CCSER1: variants seen among roughly 807,000 people sequenced by gnomAD.
The protein encoded by CCSER1 is serine-rich coiled-coil domain-containing protein 1.
CCSER1 carries 41 observed loss-of-function variants against 82.0 expected under a neutral mutation model. The ratio of observed to expected loss-of-function variants is 0.50; its 90% confidence interval spans 0.39 to 0.65. The LOEUF is 0.65. Ranked by LOEUF, CCSER1 falls within the 30% of genes least tolerant of loss-of-function variation. The probability of loss-of-function intolerance (pLI) is 0.00; values close to 1 mark genes in which losing one functional copy is unlikely to be tolerated. For synonymous variants in CCSER1, 414 were observed against 383.9 expected (o/e 1.08, Z -0.92); for missense variants, 1,119 against 1,064.2 (o/e 1.05, Z -0.72).
chr4:91,366,715 A>T (rs1451903766), intron 10 of CCSER1, among the ~76,000 whole-genome samples: 1 of 152,164 alleles, frequency 6.6e-6, no homozygotes, highest in African/African-American at 2.4e-5. Context: ...ATCTTATTGA[A>T]CTTGCATTTG....
At chr4:91,194,835 T>G (rs1735279484) in intron 10 of CCSER1, among the ~76,000 whole-genome samples, 1 of 152,224 alleles carries the variant, frequency 6.6e-6, no homozygotes, top group Non-Finnish European at 1.5e-5. Flanking sequence ...GTAAAAAGCA[T>G]AGCTTACTTC....
chr4:91,171,403 G>A (rs975330870), intron 10 of CCSER1, among the ~76,000 whole-genome samples: 1 of 152,162 alleles, frequency 6.6e-6, no homozygotes, highest in African/African-American at 2.4e-5. Context: ...TTTCTCTTGA[G>A]TAGTCTAGCT....
chr4:90,618,529 T>C (rs1721729885), intron 5 of CCSER1, among the ~76,000 whole-genome samples: 1 of 151,934 alleles, frequency 6.6e-6, no homozygotes, highest in Admixed American at 6.6e-5. Context: ...GCAATAATAT[T>C]AGGTTCTAAC....
intron 3 of CCSER1, among the ~76,000 whole-genome samples, chr4:90,322,859 C>T (rs1737419408): frequency 6.6e-6 from 1 of 152,158 alleles, no homozygotes; most frequent in Admixed American, 6.6e-5. Flanking sequence ...GCTGGAACTG[C>T]ACTGGGTCAT....
intron 7 of CCSER1, among the ~76,000 whole-genome samples, chr4:90,758,008 T>A (rs759741633): frequency 6.6e-6 from 1 of 151,552 alleles, no homozygotes. Context: ...GTGCAATCTT[T>A]GCTCAACTCA....
intron 6 of CCSER1, among the ~76,000 whole-genome samples, chr4:90,688,383 A>G (rs894234289): frequency 2.6e-5 from 4 of 152,158 alleles, no homozygotes; most frequent in African/African-American, 9.7e-5. Context: ...AACACTGTAC[A>G]CTAAATTTCT....
intron 6 of CCSER1, among the ~76,000 whole-genome samples, chr4:90,712,035 T>G (rs1336649913): frequency 6.6e-6 from 1 of 151,970 alleles, no homozygotes; most frequent in Non-Finnish European, 1.5e-5. Flanking sequence ...TGAATCTTAC[T>G]TCTTTTCTTT....
chr4:90,605,022 T>C (rs111390398), intron 5 of CCSER1, among the ~76,000 whole-genome samples: 2,102 of 152,276 alleles, frequency 0.014, 49 homozygotes, highest in African/African-American at 0.049. Flanking sequence ...TGTGGGAGGT[T>C]TGTTCTTTGG....
intron 1 of CCSER1, among the ~76,000 whole-genome samples, chr4:90,204,294 A>C (rs1299538996): frequency 6.6e-6 from 1 of 152,176 alleles, no homozygotes; most frequent in Non-Finnish European, 1.5e-5. Flanking sequence ...GGTATTGCCT[A>C]GGTTATCTTC....
chr4:91,231,118 AAC>A (rs1349338703), intron 10 of CCSER1, among the ~76,000 whole-genome samples: 5 of 151,936 alleles, frequency 3.3e-5, no homozygotes, highest in East Asian at 1.9e-4. Flanking sequence ...CAAAATTAAA[AAC>A]ACATATTCAT....
At chr4:90,409,792 A>T (rs1314258439) in intron 4 of CCSER1, among the ~76,000 whole-genome samples, 1 of 152,234 alleles carries the variant, frequency 6.6e-6, no homozygotes, top group Non-Finnish European at 1.5e-5. Context: ...ACTAACCTTA[A>T]ATGTAAATGG....
intron 9 of CCSER1, among the ~76,000 whole-genome samples, chr4:90,959,484 G>A (rs368262551): frequency 6.6e-6 from 1 of 152,192 alleles, no homozygotes; most frequent in Non-Finnish European, 1.5e-5. Context: ...TTAGTAAGTG[G>A]CACACCTGAG....
rs188772546 is a variant in CCSER1, at chr4:91,027,733, A to G, written c.2173-58217A>G. On this transcript the variant is annotated intron_variant, in intron 9 of 10. Coordinates refer to ENST00000509176, the MANE Select transcript of CCSER1 (RefSeq NM_001145065.2). ...GGTTTACTTCTAATTTTAGTGAGGC[A>G]TATTGCCTTTGGAGTTTGCTATTGT... is the stretch of plus-strand genomic sequence containing the variant. 5.3e-5 allele frequency among the ~76,000 whole-genome samples: 8 copies of G among 152,166 alleles called. No individual in the cohort carries two copies. The East Asian group carries it at 1.5e-3, about 29-fold the overall frequency.
At chr4:91,473,721 C>T (rs1757410548) in intron 10 of CCSER1, among the ~76,000 whole-genome samples, 1 of 152,060 alleles carries the variant, frequency 6.6e-6, no homozygotes, top group Non-Finnish European at 1.5e-5. Flanking sequence ...ACTGTCAGCA[C>T]TCAGAAAATC....
intron 10 of CCSER1, among the ~76,000 whole-genome samples, chr4:91,086,624 C>CA (rs1242367364): frequency 2.6e-4 from 40 of 151,488 alleles, no homozygotes; most frequent in South Asian, 4.2e-4. Flanking sequence ...TCTAACTGCA[C>CA]AAAAAAAATC....
intron 1 of CCSER1, among the ~76,000 whole-genome samples, chr4:90,172,048 G>A (rs1432932166): frequency 6.6e-6 from 1 of 151,842 alleles, no homozygotes; most frequent in African/African-American, 2.4e-5. Flanking sequence ...TCTGTAGGTG[G>A]GAAGTGTAAG....
At chr4:91,106,946 G>T (rs1561554036) in intron 10 of CCSER1, among the ~76,000 whole-genome samples, 1 of 152,152 alleles carries the variant, frequency 6.6e-6, no homozygotes, top group African/African-American at 2.4e-5. Flanking sequence ...TTTGCCCAAG[G>T]ATAGACTGCA....
intron 8 of CCSER1, among the ~76,000 whole-genome samples, chr4:90,847,930 A>G (rs1763408242): frequency 6.6e-6 from 1 of 152,184 alleles, no homozygotes; most frequent in Non-Finnish European, 1.5e-5. Context: ...GATAAATGAT[A>G]TATGTAAGCA....
Position 90,338,659 on chromosome 4 carries a change from G to A in CCSER1, c.1509+25612G>A, listed in dbSNP as rs375858300. Among the ~76,000 whole-genome samples, 308 of 152,168 alleles carry A rather than the reference G, an allele frequency of 2.0e-3. 2 individuals carry two copies. Among genetic ancestry groups the A allele is most frequent in the African/African-American group, 6.2e-3 (256 of 41,510 alleles). On this transcript the variant is annotated intron_variant, in intron 3 of 10. Transcript: ENST00000509176. ...GACTGCTTTCTAGCTCTGCATTTTC[G>A]TTTATACAAAAAATAATGAAAATTT...
Sources: allele counts gnomAD v4.1 joint callset (sites outside exome capture counted in the v4.1 genomes callset), GRCh38; gene constraint gnomAD v4.1.1; transcripts MANE v1.5; gene names NCBI Gene and HGNC (gene_info 2026-07-23, HGNC 2026-07-21).